The following SH2D4A variants were observed in gnomAD, a reference collection of about 807,000 sequenced individuals.
SH2D4A encodes SH2 domain-containing protein 4A.
A neutral mutation model predicts 64.7 loss-of-function variants in SH2D4A; 70 were observed. That is an observed-to-expected ratio of 1.08 (90% CI 0.89 to 1.32). The LOEUF is 1.32. SH2D4A is among the 40% of genes most tolerant of loss of function. SH2D4A has a pLI of 0.00. For missense variants in SH2D4A, 706 were observed against 540.1 expected, an observed-to-expected ratio of 1.31 and a Z score of -3.04; for synonymous variants, 268 against 200.7, an observed-to-expected ratio of 1.34 and a Z score of -2.83.
chr8:19,317,537 A>C (rs903811282), intron 1 of SH2D4A, among the ~76,000 whole-genome samples: 2 of 152,088 alleles, frequency 1.3e-5, no homozygotes, highest in African/African-American at 4.8e-5. Context: ...CACAATGAAC[A>C]GTCAGCGAAT....
At chr8:19,373,844 A>G (rs2053151813) in intron 8 of SH2D4A, among the ~76,000 whole-genome samples, 184 bp downstream of exon 8, 1 of 152,164 alleles carries the variant, frequency 6.6e-6, no homozygotes. Context: ...ACTGTTTAGA[A>G]AGCAGTCAGC....
At chr8:19,334,326 G>A (rs2052409964) in intron 3 of SH2D4A, among the ~76,000 whole-genome samples, 1 of 151,926 alleles carries the variant, frequency 6.6e-6, no homozygotes, top group South Asian at 2.1e-4. Context: ...GAAGATAAAG[G>A]AATTATTTAA....
chr8:19,321,445 C>A (rs1010845090), intron 2 of SH2D4A, among the ~76,000 whole-genome samples: 8 of 152,132 alleles, frequency 5.3e-5, no homozygotes, highest in African/African-American at 1.9e-4. Flanking sequence ...AACCCCAGAC[C>A]TCAAACGATC....
chr8:19,358,983 C>T (rs940684540), intron 5 of SH2D4A, among the ~76,000 whole-genome samples: 1 of 152,244 alleles, frequency 6.6e-6, no homozygotes, highest in African/African-American at 2.4e-5. Context: ...TGGATTTCCC[C>T]ATGCCTGGCT....
At chr8:19,348,641 A>G (rs908058515) in intron 4 of SH2D4A, among the ~76,000 whole-genome samples, 1 of 152,256 alleles carries the variant, frequency 6.6e-6, no homozygotes, top group Admixed American at 6.5e-5. Context: ...GACGTCTTTG[A>G]AAGAATAGAA....
At chr8:19,374,153 T>G (rs1208465137) in intron 8 of SH2D4A, among the ~76,000 whole-genome samples, 1 of 152,222 alleles carries the variant, frequency 6.6e-6, no homozygotes, top group Admixed American at 6.5e-5. Context: ...GTCTTGGAAG[T>G]GAAAACTTCT....
chr8:19,363,962 C>A (rs1341345453), intron 6 of SH2D4A, 110 bp from the exon 7 acceptor site: 3 of 974,292 alleles, frequency 3.1e-6, no homozygotes, highest in African/African-American at 3.2e-5. Context: ...TATAAGCAGA[C>A]AACAAACTGC....
At chr8:19,356,090 A>C (rs2153647476) in intron 4 of SH2D4A, among the ~76,000 whole-genome samples, 1 of 152,332 alleles carries the variant, frequency 6.6e-6, no homozygotes, top group South Asian at 2.1e-4. Context: ...TCACCATTCC[A>C]GCCCAAAGGA....
chr8:19,332,549 T>C (rs2052378087), intron 2 of SH2D4A, among the ~76,000 whole-genome samples: 1 of 151,732 alleles, frequency 6.6e-6, no homozygotes, highest in Non-Finnish European at 1.5e-5. Flanking sequence ...AATACAAAAA[T>C]TAGCTGGGCA....
chr8:19,394,704 G>C lies in SH2D4A; in HGVS notation c.*62G>C. The C allele has an allele frequency of 1.5e-6, 2 of 1,346,594 alleles. No homozygotes were observed. The highest frequency in any genetic ancestry group is 2.0e-6 in the Non-Finnish European group (2 of 976,540). The allele number at this position is 1,346,594 out of a possible 1,614,324, so 83.4% of individuals were successfully genotyped here. On this transcript the variant is annotated 3_prime_UTR_variant, in exon 10 of 10. Transcript: ENST00000265807. ...GGCTTTCCCCTGGACAAATGCCACT[G>C]CAACATTTATGTGTGAAGCCAAAAT...
chr8:19,346,103 A>T (rs140118037), intron 4 of SH2D4A, among the ~76,000 whole-genome samples: 1 of 152,368 alleles, frequency 6.6e-6, no homozygotes, highest in African/African-American at 2.4e-5. Flanking sequence ...CTGAACAAGT[A>T]CCAGATACCT....
rs955521885 is a variant in SH2D4A at position 19,396,012 on chromosome 8, G to T, written c.*1370G>T. ...TAGCCCTGGCACACATATTTGTCCCGTCAGGAATCTTATGCCCTCCTGGAA... is the reference window on the plus strand; with the variant it reads ...TAGCCCTGGCACACATATTTGTCCCTTCAGGAATCTTATGCCCTCCTGGAA... On this transcript the variant is annotated 3_prime_UTR_variant, in exon 10 of 10. Transcript: ENST00000265807. The T allele has an allele frequency of 1.3e-5, 2 of 152,132 alleles. No individual in the cohort carries two copies. The highest frequency in any genetic ancestry group is 1.3e-4 in the Admixed American group (2 of 15,276). 9.4% of individuals were successfully genotyped at this position (152,132 alleles called of 1,614,324 possible).
chr8:19,318,163 C>T (rs1170007820), intron 1 of SH2D4A, among the ~76,000 whole-genome samples: 1 of 152,166 alleles, frequency 6.6e-6, no homozygotes, highest in Non-Finnish European at 1.5e-5. Flanking sequence ...TTTGGCCTCC[C>T]AAAGTGCTGG....
At chr8:19,315,867 C>T (rs1457533622) in intron 1 of SH2D4A, among the ~76,000 whole-genome samples, 1 of 152,200 alleles carries the variant, frequency 6.6e-6, no homozygotes, top group African/African-American at 2.4e-5. Flanking sequence ...CAGGCTCCTT[C>T]GCTTCACAGT....
intron 4 of SH2D4A, among the ~76,000 whole-genome samples, chr8:19,345,367 A>G (rs2052597161): frequency 6.6e-6 from 1 of 152,248 alleles, no homozygotes; most frequent in South Asian, 2.1e-4. Context: ...ATGCCTGTAC[A>G]ACAGAAAGAA....
At chr8:19,327,739 G>A (rs886361766) in intron 2 of SH2D4A, among the ~76,000 whole-genome samples, 6 of 152,330 alleles carry the variant, frequency 3.9e-5, no homozygotes, top group African/African-American at 1.4e-4. Context: ...TGGTGGGAAT[G>A]TAGCAGACAC....
intron 8 of SH2D4A, among the ~76,000 whole-genome samples, chr8:19,380,238 G>C (rs2053269341): frequency 1.3e-5 from 2 of 152,140 alleles, no homozygotes; most frequent in African/African-American, 4.8e-5. Flanking sequence ...GTTGAATTAT[G>C]AGAGTTTTCT....
At chr8:19,361,160 G>GTTTTT (rs2052878194) in intron 5 of SH2D4A, 43 bp from the exon 6 acceptor site, 1 of 1,259,638 alleles carries the variant, frequency 7.9e-7, no homozygotes, top group Non-Finnish European at 1.1e-6. Flanking sequence ...TTCTTTTTTT[G>GTTTTT]TTTTGTTTTG....
intron 5 of SH2D4A, among the ~76,000 whole-genome samples, chr8:19,358,455 T>A (rs563249689): frequency 1.3e-5 from 2 of 152,190 alleles, no homozygotes; most frequent in African/African-American, 4.8e-5. Context: ...GGAATTGGGA[T>A]GGGACAGGTA....
Sources: allele counts gnomAD v4.1 joint callset (sites outside exome capture counted in the v4.1 genomes callset), GRCh38; gene constraint gnomAD v4.1.1; transcripts MANE v1.5; gene names NCBI Gene and HGNC (gene_info 2026-07-23, HGNC 2026-07-21).